The following DIAPH3 variants were observed in gnomAD, a reference collection of about 807,000 sequenced individuals.
DIAPH3 encodes the protein protein diaphanous homolog 3.
DIAPH3 carries 117 observed loss-of-function variants against 144.3 expected under a neutral mutation model. The ratio of observed to expected loss-of-function variants is 0.81; its 90% confidence interval spans 0.70 to 0.95. The LOEUF (loss-of-function observed/expected upper bound fraction) is 0.95. Among genes scored for constraint, DIAPH3 ranks in the 40% least tolerant of loss-of-function variants. DIAPH3 has a pLI of 0.00. For missense variants in DIAPH3, 1,421 were observed against 1,412.7 expected (o/e 1.01, Z -0.09); for synonymous variants, 519 against 488.9 (o/e 1.06, Z -0.81).
intron 27 of DIAPH3, among the ~76,000 whole-genome samples, chr13:59,699,786 A>T (rs926083894): frequency 2.0e-5 from 3 of 152,160 alleles, no homozygotes; most frequent in African/African-American, 7.2e-5. Flanking sequence ...AAGAGCTATT[A>T]TTTTTCTTCC....
intron 22 of DIAPH3, among the ~76,000 whole-genome samples, chr13:59,851,765 C>T (rs2042988085): frequency 6.6e-6 from 1 of 151,080 alleles, no homozygotes; most frequent in South Asian, 2.1e-4. Flanking sequence ...TGATATTACA[C>T]ACATGCACCA....
At chr13:59,878,808 C>T (rs1191628107) in intron 21 of DIAPH3, among the ~76,000 whole-genome samples, 1 of 151,972 alleles carries the variant, frequency 6.6e-6, no homozygotes, top group Non-Finnish European at 1.5e-5. Flanking sequence ...TCTCTCCTTT[C>T]AGTCTGCTTA....
intron 3 of DIAPH3, among the ~76,000 whole-genome samples, chr13:60,104,565 G>GGC (rs1408640540): frequency 5.8e-5 from 3 of 51,750 alleles, no homozygotes; most frequent in Non-Finnish European, 1.3e-4. Context: ...GCAGTATCAA[G>GGC]GCACACACAC....
intron 27 of DIAPH3, among the ~76,000 whole-genome samples, chr13:59,726,104 A>C (rs1776069506): frequency 6.6e-6 from 1 of 152,216 alleles, no homozygotes; most frequent in South Asian, 2.1e-4. Context: ...TCACTTTACA[A>C]GTATATTATT....
intron 17 of DIAPH3, among the ~76,000 whole-genome samples, chr13:59,936,967 T>A (rs1216573032): frequency 2.0e-5 from 3 of 151,940 alleles, no homozygotes; most frequent in African/African-American, 7.2e-5. Flanking sequence ...ATCGAGACCA[T>A]CCTGGCTAAC....
At chr13:59,962,267 G>C (rs1037787593) in intron 17 of DIAPH3, among the ~76,000 whole-genome samples, 1 of 152,094 alleles carries the variant, frequency 6.6e-6, no homozygotes, top group Non-Finnish European at 1.5e-5. Context: ...TCTCAAAATA[G>C]TATTTTTAAA....
chr13:59,832,216 G>A (rs999675935), intron 24 of DIAPH3, among the ~76,000 whole-genome samples: 5 of 151,782 alleles, frequency 3.3e-5, no homozygotes, highest in Non-Finnish European at 7.4e-5. Flanking sequence ...AATTAGAACT[G>A]TGACCAAATG....
At chr13:59,873,996 A>C (rs2044448237) in intron 21 of DIAPH3, among the ~76,000 whole-genome samples, 1 of 152,148 alleles carries the variant, frequency 6.6e-6, no homozygotes, top group Non-Finnish European at 1.5e-5. Context: ...TAAGTGAAGA[A>C]GTAAAGTTGT....
chr13:60,131,293 AG>A (rs967219589), intron 2 of DIAPH3, among the ~76,000 whole-genome samples: 2 of 151,594 alleles, frequency 1.3e-5, no homozygotes, highest in African/African-American at 4.9e-5. Flanking sequence ...AAAATTAGCT[AG>A]GTGAGGTGGT....
intron 27 of DIAPH3, among the ~76,000 whole-genome samples, chr13:59,670,437 C>A (rs933364338): frequency 6.6e-6 from 1 of 152,142 alleles, no homozygotes; most frequent in African/African-American, 2.4e-5. Context: ...TGGTTTGTCT[C>A]CAGACATGGG....
chr13:59,804,873 C>A (rs1269704405), intron 25 of DIAPH3, among the ~76,000 whole-genome samples: 1 of 152,048 alleles, frequency 6.6e-6, no homozygotes. Context: ...CAAGTACAAA[C>A]GTTAATTGCA....
In DIAPH3 at chr13:59,992,501, A is replaced by G. The variant is rs754972603; in HGVS notation, c.1097T>C (p.Met366Thr). 1.6e-5 allele frequency: 26 copies of G among 1,612,144 alleles called. No homozygotes were observed. The highest frequency in any genetic ancestry group is 2.1e-5 in the Non-Finnish European group (25 of 1,179,082). ...DFRLHIRNEF[M>T]RCGLKEILPN... ...CAATATCTCTTTCAATCCACAACGC[A>G]TAAATTCATTTCTGATGTGAAGCCT... The change falls in exon 10 of 28, where the codon ATG becomes ACG. Residue 366 changes from methionine (M) to threonine (T), a missense_variant. Physicochemically the swap from Met to Thr is moderately conservative, Grantham distance 81 (BLOSUM62 -1). Coordinates refer to ENST00000400324, the MANE Select transcript of DIAPH3 (RefSeq NM_001042517.2).
intron 18 of DIAPH3, 125 bp from the exon 19 acceptor site, chr13:59,916,374 T>A (rs2047224544): frequency 1.3e-6 from 1 of 752,500 alleles, no homozygotes; most frequent in Non-Finnish European, 2.2e-6. Flanking sequence ...TTTAATATTA[T>A]GTTTGGGGGA....
intron 20 of DIAPH3, among the ~76,000 whole-genome samples, chr13:59,892,448 T>C (rs2045863784): frequency 6.6e-6 from 1 of 151,902 alleles, no homozygotes; most frequent in African/African-American, 2.4e-5. Flanking sequence ...AAAAGAAATG[T>C]TAAAAGCATT....
chr13:60,125,782 G>A (rs1295256769), intron 2 of DIAPH3, among the ~76,000 whole-genome samples: 1 of 152,132 alleles, frequency 6.6e-6, no homozygotes, highest in Non-Finnish European at 1.5e-5. Flanking sequence ...CACTCTGATA[G>A]CTGTGTGGGA....
chr13:59,947,764 T>C (rs1424962308), intron 17 of DIAPH3, among the ~76,000 whole-genome samples: 2 of 151,750 alleles, frequency 1.3e-5, no homozygotes, highest in Non-Finnish European at 2.9e-5. Context: ...CCACAATCGT[T>C]TTGCATGAAG....
chr13:59,746,464 T>A (rs950458720), intron 27 of DIAPH3, among the ~76,000 whole-genome samples: 1 of 151,996 alleles, frequency 6.6e-6, no homozygotes, highest in Non-Finnish European at 1.5e-5. Flanking sequence ...CCTCAAGTGA[T>A]CTGCCAGCCT....
intron 27 of DIAPH3, among the ~76,000 whole-genome samples, chr13:59,773,263 C>A (rs1480285720): frequency 6.6e-6 from 1 of 152,168 alleles, no homozygotes. Flanking sequence ...AGGATCCCCA[C>A]ACCTATTAAA....
At chr13:60,141,017 A>G (rs2138308694) in intron 1 of DIAPH3, among the ~76,000 whole-genome samples, 1 of 152,332 alleles carries the variant, frequency 6.6e-6, no homozygotes, top group Non-Finnish European at 1.5e-5. Context: ...AATTCCAAGA[A>G]AAATATACGA....
Sources: gnomAD v4.1 joint callset for allele counts (sites outside exome capture counted in the v4.1 genomes callset) on GRCh38, gnomAD v4.1.1 for gene constraint, MANE v1.5 for transcripts, NCBI Gene and HGNC (gene_info 2026-07-23, HGNC 2026-07-21) for gene names.